JAZF1: variants seen among roughly 807,000 people sequenced by gnomAD.
JAZF1 encodes JAZF zinc finger 1, also known as juxtaposed with another zinc finger protein 1.
JAZF1 carries 8 observed loss-of-function variants against 26.4 expected under a neutral mutation model. That is an observed-to-expected ratio of 0.30 (90% CI 0.18 to 0.55). JAZF1 has a LOEUF of 0.55. JAZF1 is among the 20% of genes least tolerant of loss of function. The pLI, the probability that JAZF1 is intolerant of heterozygous loss-of-function variation, is 0.94. For synonymous variants in JAZF1, 126 were observed against 122.3 expected, an observed-to-expected ratio of 1.03 and a Z score of -0.20; for missense variants, 199 against 322.0, an observed-to-expected ratio of 0.62 and a Z score of 2.92.
chr7:28,141,880 A>G lies in JAZF1; in HGVS notation c.115+38583T>C, dbSNP rs193087901. Among the ~76,000 whole-genome samples, 271 of 152,292 alleles carry G rather than the reference A, an allele frequency of 1.8e-3. 2 individuals are homozygous for G. The highest frequency in any genetic ancestry group is 6.2e-3 in the African/African-American group (259 of 41,572). Reference sequence around the variant, plus strand: ...TCTTTTCTAATTTCTTTTATTATAAAAATAATACTTGTTACTGGTCAATAT... The same window carrying G: ...TCTTTTCTAATTTCTTTTATTATAAGAATAATACTTGTTACTGGTCAATAT... On this transcript the variant is annotated intron_variant, in intron 1 of 4. Coordinates refer to ENST00000283928, the MANE Select transcript of JAZF1 (RefSeq NM_175061.4).
At chr7:27,983,397 G>C (rs1785627628) in intron 2 of JAZF1, among the ~76,000 whole-genome samples, 1 of 152,054 alleles carries the variant, frequency 6.6e-6, no homozygotes, top group East Asian at 1.9e-4. Context: ...GAAGTTTAGA[G>C]AAAAAAGAGT....
At position 28,081,197 on chromosome 7, in the gene JAZF1, G is replaced by A. The variant is rs556608088; in HGVS notation, c.116-89216C>T. 3.9e-5 allele frequency among the ~76,000 whole-genome samples: 6 copies of A among 152,314 alleles called. No homozygotes were observed. In the South Asian group the frequency reaches 1.2e-3, roughly 32 times the overall value. On this transcript the variant is annotated intron_variant, in intron 1 of 4. Transcript: ENST00000283928. ...AGTCAGGTTAAGGTTTTGAGACAGG[G>A]CTAAGCCCAGTGTTGTTACTCTTCA...
At chr7:27,874,585 C>CA (rs1469814727) in intron 3 of JAZF1, among the ~76,000 whole-genome samples, 1 of 152,212 alleles carries the variant, frequency 6.6e-6, no homozygotes, top group Non-Finnish European at 1.5e-5. Flanking sequence ...AAAACATTAA[C>CA]ATACAGGACA....
intron 3 of JAZF1, chr7:27,863,795 A>G (rs1783421968): frequency 6.6e-6 from 1 of 152,222 alleles, no homozygotes; most frequent in South Asian, 2.1e-4. Flanking sequence ...ATCCAAGTAC[A>G]AGGCTCAAGG....
chr7:28,032,110 T>G (rs1416069961), intron 1 of JAZF1, among the ~76,000 whole-genome samples: 1 of 152,302 alleles, frequency 6.6e-6, no homozygotes, highest in East Asian at 1.9e-4. Context: ...AATCTAAAAG[T>G]TCTAAAAGTG....
chr7:27,842,381 C>G (rs577601537), intron 3 of JAZF1: 1 of 152,368 alleles, frequency 6.6e-6, no homozygotes, highest in East Asian at 1.9e-4. Context: ...GCCCCCAGTG[C>G]CAGGCTCTTC....
chr7:27,910,415 T>C (rs1346902774), intron 2 of JAZF1, among the ~76,000 whole-genome samples: 1 of 152,212 alleles, frequency 6.6e-6, no homozygotes, highest in East Asian at 1.9e-4. Flanking sequence ...ACTTAACTGC[T>C]AATGAAGTAT....
intron 1 of JAZF1, among the ~76,000 whole-genome samples, chr7:28,075,603 A>G (rs1322351890): frequency 6.6e-6 from 1 of 152,230 alleles, no homozygotes; most frequent in Non-Finnish European, 1.5e-5. Flanking sequence ...ATCATGCTCT[A>G]TAAACTGTTC....
At chr7:28,093,893 G>GGT (rs1784341413) in intron 1 of JAZF1, among the ~76,000 whole-genome samples, 1 of 152,214 alleles carries the variant, frequency 6.6e-6, no homozygotes, top group Non-Finnish European at 1.5e-5. Context: ...CAAAAGTAAG[G>GGT]GTGTGGGTGG....
At chr7:28,092,308 A>C (rs1048512297) in intron 1 of JAZF1, among the ~76,000 whole-genome samples, 118 of 139,352 alleles carry the variant, frequency 8.5e-4, no homozygotes, top group African/African-American at 2.6e-3. Context: ...AAAAAAAAAA[A>C]AAAAAAAAAA....
intron 1 of JAZF1, among the ~76,000 whole-genome samples, chr7:28,156,263 G>A (rs192276537): frequency 2.6e-5 from 4 of 152,314 alleles, no homozygotes; most frequent in Non-Finnish European, 5.9e-5. Flanking sequence ...GGCTGTAGAG[G>A]CCCCTTTTCA....
At chr7:27,867,891 G>T (rs1783505332) in intron 3 of JAZF1, among the ~76,000 whole-genome samples, 1 of 152,154 alleles carries the variant, frequency 6.6e-6, no homozygotes, top group South Asian at 2.1e-4. Context: ...AGGTCTCAGT[G>T]GGAGTGCCCA....
rs116432867 is a variant in JAZF1, at chr7:28,136,384, T to C, written c.115+44079A>G. On this transcript the variant is annotated intron_variant, in intron 1 of 4. Transcript: ENST00000283928. ...ACCAGTTCCTGCCCTGCTGATTTCA[T>C]AAATGGAAAATTCAACCTCCCTCAA... Among the ~76,000 whole-genome samples the C allele has an allele frequency of 2.8e-3, 434 of 152,304 alleles. 2 individuals carry two copies. Among genetic ancestry groups the C allele is most frequent in the African/African-American group, 1.0e-2 (415 of 41,560 alleles).
chr7:27,945,312 G>A (rs73299485), intron 2 of JAZF1, among the ~76,000 whole-genome samples: 6,968 of 152,076 alleles, frequency 0.046, 320 homozygotes, highest in East Asian at 0.13. Context: ...GCCCAGCGGG[G>A]CAAGCCATGC....
At chr7:28,044,419 G>A (rs1783457814) in intron 1 of JAZF1, among the ~76,000 whole-genome samples, 1 of 152,106 alleles carries the variant, frequency 6.6e-6, no homozygotes, top group Non-Finnish European at 1.5e-5. Flanking sequence ...TAATTTGCTG[G>A]GATGCTGCAG....
chr7:28,158,792 T>C (rs1783232782), intron 1 of JAZF1, among the ~76,000 whole-genome samples: 1 of 152,216 alleles, frequency 6.6e-6, no homozygotes, highest in African/African-American at 2.4e-5. Flanking sequence ...CTATCTTTGA[T>C]TGCCATTGAG....
chr7:27,982,377 C>T (rs1785603382), intron 2 of JAZF1, among the ~76,000 whole-genome samples: 1 of 151,696 alleles, frequency 6.6e-6, no homozygotes, highest in Non-Finnish European at 1.5e-5. Context: ...TGAGATCGAA[C>T]AGCAAGGCGG....
intron 1 of JAZF1, among the ~76,000 whole-genome samples, chr7:28,014,254 G>A (rs1220542550): frequency 6.6e-6 from 1 of 152,070 alleles, no homozygotes; most frequent in Non-Finnish European, 1.5e-5. Flanking sequence ...ACTGGCTACT[G>A]GTTCCCAGTA....
intron 3 of JAZF1, among the ~76,000 whole-genome samples, chr7:27,848,229 A>G (rs77700230): frequency 6.6e-6 from 1 of 152,078 alleles, no homozygotes; most frequent in African/African-American, 2.4e-5. Context: ...GTCTTCTTCA[A>G]TTTCCTTCAT....
Sources: allele counts gnomAD v4.1 joint callset (sites outside exome capture counted in the v4.1 genomes callset), GRCh38; gene constraint gnomAD v4.1.1; transcripts MANE v1.5; gene names NCBI Gene and HGNC (gene_info 2026-07-23, HGNC 2026-07-21).